Variants in ERC2 observed in about 807,000 individuals in gnomAD.
The protein encoded by ERC2 is ELKS/RAB6-interacting/CAST family member 2, also known as ERC protein 2.
In ERC2, 42 loss-of-function variants were observed where a neutral mutation model predicts 114.8. That is an observed-to-expected ratio of 0.37 (90% CI 0.29 to 0.47). ERC2 has a LOEUF of 0.47. ERC2 is among the 20% of genes least tolerant of loss of function. The probability of loss-of-function intolerance (pLI) is 0.99; values close to 1 mark genes in which losing one functional copy is unlikely to be tolerated. For missense variants in ERC2, 939 were observed against 1,150.7 expected, an observed-to-expected ratio of 0.82 and a Z score of 2.66; for synonymous variants, 454 against 425.5, an observed-to-expected ratio of 1.07 and a Z score of -0.82.
intron 13 of ERC2, among the ~76,000 whole-genome samples, chr3:55,941,517 C>T (rs1036615520): frequency 7.2e-5 from 11 of 152,206 alleles, no homozygotes; most frequent in African/African-American, 2.4e-4. Flanking sequence ...TGACTTTTCC[C>T]TGTGCCTAAT....
chr3:55,947,312 T>C (rs971614474), intron 13 of ERC2, among the ~76,000 whole-genome samples: 1 of 152,212 alleles, frequency 6.6e-6, no homozygotes, highest in Non-Finnish European at 1.5e-5. Flanking sequence ...TTTTTCATTA[T>C]GCATATGCTA....
intron 3 of ERC2, among the ~76,000 whole-genome samples, chr3:56,285,011 TCACA>T (rs1224717422): frequency 0.062 from 5,921 of 95,430 alleles, 183 homozygotes; most frequent in Non-Finnish European, 0.099. Flanking sequence ...TCTCTCTCTC[TCACA>T]CACACACACA....
At chr3:55,816,998 A>G (rs974815238) in intron 14 of ERC2, among the ~76,000 whole-genome samples, 22 of 152,200 alleles carry the variant, frequency 1.4e-4, no homozygotes, top group African/African-American at 5.3e-4. Context: ...TTCACATCAG[A>G]GGCTAGTCTC....
At chr3:55,782,240 G>C (rs4955879) in intron 14 of ERC2, among the ~76,000 whole-genome samples, 22,917 of 152,132 alleles carry the variant, frequency 0.15, 1,951 homozygotes, top group East Asian at 0.23. Flanking sequence ...GACCACAGGG[G>C]TCTTACCTAC....
chr3:55,734,638 T>C (rs2065509938), intron 15 of ERC2, 133 bp downstream of exon 15: 2 of 1,044,768 alleles, frequency 1.9e-6, no homozygotes, highest in African/African-American at 1.6e-5. Context: ...ACTGGGTCCA[T>C]TGCACTCCTA....
At chr3:55,907,335 G>C (rs535439648) in intron 13 of ERC2, among the ~76,000 whole-genome samples, 1 of 152,306 alleles carries the variant, frequency 6.6e-6, no homozygotes, top group African/African-American at 2.4e-5. Flanking sequence ...AGCTAGCCTT[G>C]CTGAGCCTCT....
intron 14 of ERC2, among the ~76,000 whole-genome samples, chr3:55,854,168 G>C (rs1038205956): frequency 6.6e-6 from 1 of 152,120 alleles, no homozygotes; most frequent in South Asian, 2.1e-4. Context: ...CCAGCTACTT[G>C]GGAAGCTGAG....
intron 14 of ERC2, among the ~76,000 whole-genome samples, chr3:55,855,646 A>G (rs1292277482): frequency 6.6e-6 from 1 of 152,258 alleles, no homozygotes; most frequent in African/African-American, 2.4e-5. Context: ...TTAACTATAA[A>G]GAAAAACAGA....
intron 14 of ERC2, among the ~76,000 whole-genome samples, chr3:55,797,517 G>T (rs2070614298): frequency 6.6e-6 from 1 of 152,188 alleles, no homozygotes. Flanking sequence ...GTCACTTGCG[G>T]TTCCCACTAA....
intron 17 of ERC2, among the ~76,000 whole-genome samples, chr3:55,631,221 T>A (rs1405644957): frequency 6.6e-6 from 1 of 152,106 alleles, no homozygotes; most frequent in Non-Finnish European, 1.5e-5. Context: ...TAAGACTCAA[T>A]GAATGTTTAA....
intron 15 of ERC2, among the ~76,000 whole-genome samples, chr3:55,716,815 C>T (rs964056840): frequency 6.6e-6 from 1 of 152,188 alleles, no homozygotes; most frequent in African/African-American, 2.4e-5. Flanking sequence ...CAATTACAGC[C>T]CAGAGTGATC....
At chr3:55,760,732 G>A (rs553710377) in intron 14 of ERC2, among the ~76,000 whole-genome samples, 6 of 152,298 alleles carry the variant, frequency 3.9e-5, no homozygotes, top group Non-Finnish European at 5.9e-5. Context: ...TTCAGTGCAC[G>A]TGAACACGCC....
intron 4 of ERC2, among the ~76,000 whole-genome samples, chr3:56,172,336 C>T (rs1430598772): frequency 6.6e-6 from 1 of 152,018 alleles, no homozygotes; most frequent in Non-Finnish European, 1.5e-5. Context: ...AAGCAAATGA[C>T]CTATATTATT....
At chr3:56,447,990 G>C (rs762259760) in intron 1 of ERC2, among the ~76,000 whole-genome samples, 1 of 152,006 alleles carries the variant, frequency 6.6e-6, no homozygotes, top group African/African-American at 2.4e-5. Context: ...TGATCCACCC[G>C]CCTCGGCCTC....
intron 5 of ERC2, among the ~76,000 whole-genome samples, chr3:56,141,501 T>A (rs1428534851): frequency 6.6e-6 from 1 of 152,184 alleles, no homozygotes; most frequent in Non-Finnish European, 1.5e-5. Flanking sequence ...CAGGGAGGCC[T>A]GTGGTCATGG....
intron 17 of ERC2, among the ~76,000 whole-genome samples, chr3:55,583,352 TGCC>T (rs2057355955): frequency 6.6e-6 from 1 of 151,674 alleles, no homozygotes; most frequent in Non-Finnish European, 1.5e-5. Flanking sequence ...TCTGCCTGCC[TGCC>T]TGCCTGCCTG....
chr3:55,815,231 G>C (rs746204033), intron 14 of ERC2, among the ~76,000 whole-genome samples: 1 of 152,138 alleles, frequency 6.6e-6, no homozygotes, highest in African/African-American at 2.4e-5. Context: ...TCTTAGTGGG[G>C]TGTCATAGGC....
intron 5 of ERC2, among the ~76,000 whole-genome samples, chr3:56,146,664 C>G (rs2081153425): frequency 6.6e-6 from 1 of 152,198 alleles, no homozygotes; most frequent in Non-Finnish European, 1.5e-5. Context: ...TTTAGTCCAT[C>G]TGAACCATCC....
At chr3:55,707,728 T>C (rs558819300) in intron 15 of ERC2, among the ~76,000 whole-genome samples, 1 of 152,322 alleles carries the variant, frequency 6.6e-6, no homozygotes, top group Non-Finnish European at 1.5e-5. Context: ...TCTCATTAAG[T>C]CAGTCTGACA....
Sources: allele counts gnomAD v4.1 joint callset (sites outside exome capture counted in the v4.1 genomes callset), GRCh38; gene constraint gnomAD v4.1.1; transcripts MANE v1.5; gene names NCBI Gene and HGNC (gene_info 2026-07-23, HGNC 2026-07-21).